The following ARIH1 variants were observed in gnomAD, a reference collection of about 807,000 sequenced individuals.
The protein encoded by ARIH1 is E3 ubiquitin-protein ligase ARIH1.
Under a neutral mutation model 85.0 loss-of-function variants are expected in ARIH1, and 8 were observed. The ratio of observed to expected loss-of-function variants is 0.09; its 90% CI spans 0.06 to 0.17. The LOEUF (loss-of-function observed/expected upper bound fraction) is 0.17. ARIH1 is among the 10% of genes least tolerant of loss of function. The probability of loss-of-function intolerance (pLI) is 1.00; values close to 1 mark genes in which losing one functional copy is unlikely to be tolerated. For synonymous variants in ARIH1, 238 were observed against 253.6 expected (o/e 0.94, Z 0.59); for missense variants, 311 against 718.1 (o/e 0.43, Z 6.48).
intron 11 of ARIH1, among the ~76,000 whole-genome samples, chr15:72,574,935 A>C (rs897624510): frequency 7.3e-6 from 1 of 136,882 alleles, no homozygotes; most frequent in Non-Finnish European, 1.6e-5. Flanking sequence ...AAAAAAAACA[A>C]AGAAGGTTTT....
chr15:72,563,639 A>G, intron 7 of ARIH1, 139 bp downstream of exon 7: 1 of 670,428 alleles, frequency 1.5e-6, no homozygotes, highest in Non-Finnish European at 2.5e-6. Flanking sequence ...AATAGTATAT[A>G]TCTCTTTCAG....
In ARIH1 at chr15:72,591,213, C is replaced by T. The variant is rs2064341548; in HGVS notation, c.*7921C>T. 2 of 105,998 alleles carry T rather than the reference C, an allele frequency of 1.9e-5. No homozygotes were observed. Among genetic ancestry groups the T allele is most frequent in the South Asian group, 6.9e-4 (2 of 2,878 alleles). The allele number at this position is 105,998 out of a possible 1,614,324, so 6.6% of individuals were successfully genotyped here. The stretch of plus-strand genomic sequence containing the variant: ...CTCCAGCCTGGGCGACAGAGAGACT[C>T]TGTCTCAAAAAAAAAAAAAAAAAAA... On this transcript the variant is annotated 3_prime_UTR_variant, in exon 14 of 14. Transcript: ENST00000379887.
At chr15:72,566,821 C>G (rs1410885446) in intron 8 of ARIH1, among the ~76,000 whole-genome samples, 1 of 152,144 alleles carries the variant, frequency 6.6e-6, no homozygotes, top group Middle Eastern at 3.2e-3. Flanking sequence ...TAAGGCACCT[C>G]TTTGTCAGGC....
At chr15:72,566,438 G>A in intron 7 of ARIH1, 125 bp from the exon 8 acceptor site, 3 of 791,952 alleles carry the variant, frequency 3.8e-6, no homozygotes, top group Middle Eastern at 4.7e-4. Flanking sequence ...TTCTCTCCTT[G>A]TATTTGCCAG....
intron 1 of ARIH1, among the ~76,000 whole-genome samples, chr15:72,505,496 T>C (rs889364075): frequency 3.3e-5 from 5 of 152,180 alleles, no homozygotes; most frequent in Non-Finnish European, 7.3e-5. Context: ...AGTCTCCTCT[T>C]GAAAAAATGT....
At chr15:72,547,321 C>T (rs949513024) in intron 3 of ARIH1, among the ~76,000 whole-genome samples, 2 of 151,782 alleles carry the variant, frequency 1.3e-5, no homozygotes, top group Admixed American at 1.3e-4. Context: ...CAGCCTGCGC[C>T]TCCTGGGTTC....
intron 1 of ARIH1, among the ~76,000 whole-genome samples, chr15:72,481,337 A>T (rs1242376174): frequency 6.6e-6 from 1 of 152,170 alleles, no homozygotes; most frequent in African/African-American, 2.4e-5. Context: ...ATTTAATAGC[A>T]GTGTTTCTCT....
intron 12 of ARIH1, 44 bp downstream of exon 12, chr15:72,581,035 A>AG (rs2064293103): frequency 1.3e-6 from 2 of 1,571,752 alleles, no homozygotes; most frequent in Non-Finnish European, 1.7e-6. Flanking sequence ...CTTGTATCAT[A>AG]GGTCTACCTG....
At chr15:72,494,282 C>T (rs1468683637) in intron 1 of ARIH1, among the ~76,000 whole-genome samples, 1 of 152,108 alleles carries the variant, frequency 6.6e-6, no homozygotes, top group Non-Finnish European at 1.5e-5. Context: ...TATAATGCGA[C>T]GCTTTGTTTC....
rs1459575014 is a variant in ARIH1, at chr15:72,583,467, G to T, written c.*175G>T. ...AAGTAAATTATATTGTAATAAAAAG[G>T]TAGATAAACCATTGTACAACAGTAT... On this transcript the variant is annotated 3_prime_UTR_variant, in exon 14 of 14. Coordinates refer to ENST00000379887, the MANE Select transcript of ARIH1 (RefSeq NM_005744.5). 3.8e-6 allele frequency: 2 copies of T among 526,412 alleles called. No homozygotes were observed. The highest frequency in any genetic ancestry group is 3.8e-5 in the African/African-American group (2 of 52,816). The allele number at this position is 526,412 out of a possible 1,614,324, so 32.6% of individuals were successfully genotyped here.
intron 11 of ARIH1, 127 bp from the exon 12 acceptor site, chr15:72,580,604 T>C (rs2064291675): frequency 1.2e-6 from 1 of 869,148 alleles, no homozygotes; most frequent in African/African-American, 1.7e-5. Context: ...TTATCTTTCA[T>C]CTTTTTGATA....
At chr15:72,484,171 C>CAAA (rs35300595) in intron 1 of ARIH1, among the ~76,000 whole-genome samples, 1 of 117,672 alleles carries the variant, frequency 8.5e-6, no homozygotes, top group African/African-American at 3.4e-5. Flanking sequence ...GAAACTCCAT[C>CAAA]AAAAAAAAAA....
At chr15:72,563,536 A>T in intron 7 of ARIH1, 36 bp downstream of exon 7, 1 of 1,530,948 alleles carries the variant, frequency 6.5e-7, no homozygotes, top group Non-Finnish European at 9.1e-7. Flanking sequence ...AATAGTGCAC[A>T]AAGCGTTTCC....
In ARIH1 at chr15:72,601,033, A is replaced by T. The variant is rs7496621; in HGVS notation, c.*17741A>T. The T allele has an allele frequency of 0.86, 130,810 of 152,138 alleles. 57,528 individuals are homozygous for T. Among genetic ancestry groups the T allele is most frequent in the Non-Finnish European group, 0.94 (64,185 of 68,028 alleles). 9.4% of individuals were successfully genotyped at this position (152,138 alleles called of 1,614,324 possible). A position where few individuals can be genotyped will look rare whatever the true frequency, so the allele number is the denominator to read the frequency against. On this transcript the variant is annotated 3_prime_UTR_variant, in exon 14 of 14. Coordinates refer to ENST00000379887, the MANE Select transcript of ARIH1 (RefSeq NM_005744.5). ...CCACTCATCCAGCAGCTTTCAAAGTAAGAAACCTGGCAATCTTCCTTTAAC... is the reference window on the plus strand; with the variant it reads ...CCACTCATCCAGCAGCTTTCAAAGTTAGAAACCTGGCAATCTTCCTTTAAC...
chr15:72,543,471 T>G (rs1296578032), intron 2 of ARIH1, among the ~76,000 whole-genome samples: 1 of 152,192 alleles, frequency 6.6e-6, no homozygotes, highest in African/African-American at 2.4e-5. Flanking sequence ...TTTCTGATAA[T>G]CCTCCTTTTT....
chr15:72,595,031 TAGGA>T lies in ARIH1; in HGVS notation c.*11743_*11746del, dbSNP rs1198742214. 1 of 152,152 alleles carries T rather than the reference TAGGA, an allele frequency of 6.6e-6. No individual in the cohort carries two copies. Among genetic ancestry groups the T allele is most frequent in the Non-Finnish European group, 1.5e-5 (1 of 68,018 alleles). 9.4% of individuals were successfully genotyped at this position (152,152 alleles called of 1,614,324 possible). A position where few individuals can be genotyped will look rare whatever the true frequency, so the allele number is the denominator to read the frequency against. On this transcript the variant is annotated 3_prime_UTR_variant, in exon 14 of 14. Coordinates refer to ENST00000379887, the MANE Select transcript of ARIH1 (RefSeq NM_005744.5). ...TTCCTAATTTGTTGATAATTTTTAT[TAGGA>T]AGGGTTATTAAATTTTGTGAGATGC...
In ARIH1 at chr15:72,589,799, A is replaced by G. The variant is rs1196462527; in HGVS notation, c.*6507A>G. The G allele has an allele frequency of 6.6e-6, 1 of 152,186 alleles. No individual in the cohort carries two copies. The highest frequency in any genetic ancestry group is 1.5e-5 in the Non-Finnish European group (1 of 68,036). 9.4% of individuals were successfully genotyped at this position (152,186 alleles called of 1,614,324 possible). A position where few individuals can be genotyped will look rare whatever the true frequency, so the allele number is the denominator to read the frequency against. ...CTCGTGGCTACTTAGTATTTACCAA[A>G]TGCTTTGTTTCCATCTCGTTTATTT... On this transcript the variant is annotated 3_prime_UTR_variant, in exon 14 of 14. Coordinates refer to ENST00000379887, the MANE Select transcript of ARIH1 (RefSeq NM_005744.5).
intron 2 of ARIH1, among the ~76,000 whole-genome samples, chr15:72,525,614 A>G (rs2064023979): frequency 1.3e-5 from 2 of 152,198 alleles, no homozygotes; most frequent in African/African-American, 2.4e-5. Context: ...AATCTAGGAA[A>G]CCCAGAAGAA....
intron 2 of ARIH1, among the ~76,000 whole-genome samples, chr15:72,528,608 C>A (rs187696131): frequency 6.6e-6 from 1 of 152,280 alleles, no homozygotes; most frequent in East Asian, 1.9e-4. Context: ...GATCCCAGAA[C>A]TTTAGCTGAC....
Sources: gnomAD v4.1 joint callset for allele counts (sites outside exome capture counted in the v4.1 genomes callset) on GRCh38, gnomAD v4.1.1 for gene constraint, MANE v1.5 for transcripts, NCBI Gene and HGNC (gene_info 2026-07-23, HGNC 2026-07-21) for gene names.